Variants in SHC4 observed in about 807,000 individuals in gnomAD.
SHC4 encodes the protein SHC-transforming protein 4.
In SHC4, 41 loss-of-function variants were observed where a neutral mutation model predicts 69.4. The ratio of observed to expected loss-of-function variants is 0.59; its 90% CI spans 0.46 to 0.77. The LOEUF (loss-of-function observed/expected upper bound fraction) is 0.77. Ranked by LOEUF, SHC4 falls within the 30% of genes least tolerant of loss-of-function variation. The pLI is 0.00. For synonymous variants in SHC4, 318 were observed against 299.3 expected, an observed-to-expected ratio of 1.06 and a Z score of -0.64; for missense variants, 777 against 783.8, an observed-to-expected ratio of 0.99 and a Z score of 0.10.
intron 4 of SHC4, among the ~76,000 whole-genome samples, chr15:48,884,002 T>C (rs2141002426): frequency 1.3e-5 from 2 of 152,336 alleles, no homozygotes; most frequent in Middle Eastern, 6.8e-3. Context: ...CTATGTTCTT[T>C]GCAACTTAGT....
intron 6 of SHC4, among the ~76,000 whole-genome samples, chr15:48,861,950 CTT>C (rs1315859626): frequency 6.6e-6 from 1 of 151,926 alleles, no homozygotes; most frequent in Non-Finnish European, 1.5e-5. Flanking sequence ...TTGTTTCTGT[CTT>C]TTCCTTTTAT....
At position 48,876,647 on chromosome 15, in the gene SHC4, G is replaced by A. The variant is rs1464483062; in HGVS notation, c.841-4505C>T. 8.8e-6 allele frequency: 6 copies of A among 678,768 alleles called. No homozygotes were observed. In the East Asian group the frequency reaches 1.4e-4, roughly 16 times the overall value. The allele number at this position is 678,768 out of a possible 1,614,324, so 42.0% of individuals were successfully genotyped here. The stretch of plus-strand genomic sequence containing the variant: ...AGAACTTGGGAATCCAATGTTCGAG[G>A]GCAGGAAGCATCCAACACAGGAGAA... On this transcript the variant is annotated intron_variant, in intron 4 of 11. Transcript: ENST00000332408.
intron 8 of SHC4, among the ~76,000 whole-genome samples, chr15:48,852,014 T>C (rs140482367): frequency 3.7e-4 from 56 of 152,210 alleles, no homozygotes; most frequent in African/African-American, 1.1e-3. Context: ...AAACAGAAGA[T>C]TGTAGATTAA....
rs553983973 is a variant in SHC4 at position 48,867,846 on chromosome 15, G to A, written c.918C>T (p.Tyr306=). 25 of 1,613,516 alleles carry A rather than the reference G, an allele frequency of 1.5e-5. No homozygotes were observed. In the African/African-American group the frequency reaches 1.9e-4, roughly 12 times the overall value. ...GTTGATTAACTGGATCTTTAGCTACGTAGGCAACATAGTCTGTAGTATCCT... is the reference window on the plus strand; with the variant it reads ...GTTGATTAACTGGATCTTTAGCTACATAGGCAACATAGTCTGTAGTATCCT... The part of the protein sequence containing the change: ...GDPDTTDYVA[Y]VAKDPVNQRA... The change falls in exon 6 of 12, where the codon TAC becomes TAT. Residue 306 remains tyrosine, a synonymous_variant. Coordinates refer to ENST00000332408, the MANE Select transcript of SHC4 (RefSeq NM_203349.4).
chr15:48,904,733 G>A (rs930594239), intron 2 of SHC4, among the ~76,000 whole-genome samples: 11 of 151,240 alleles, frequency 7.3e-5, no homozygotes, highest in African/African-American at 2.7e-4. Context: ...ACAAAAAAAT[G>A]TAATTAGCCA....
intron 1 of SHC4, among the ~76,000 whole-genome samples, chr15:48,948,690 G>T (rs980364513): frequency 2.0e-5 from 3 of 152,146 alleles, no homozygotes; most frequent in Admixed American, 6.5e-5. Flanking sequence ...AGAATTACTT[G>T]AGCCCTGGAG....
At chr15:48,902,389 T>C (rs1476611305) in intron 2 of SHC4, among the ~76,000 whole-genome samples, 1 of 152,168 alleles carries the variant, frequency 6.6e-6, no homozygotes, top group African/African-American at 2.4e-5. Flanking sequence ...ATGTCTGGCT[T>C]TCTTCAGATA....
At chr15:48,886,815 C>T (rs1051575737) in intron 3 of SHC4, among the ~76,000 whole-genome samples, 2 of 152,116 alleles carry the variant, frequency 1.3e-5, no homozygotes, top group Admixed American at 6.5e-5. Context: ...AGAGAAACTG[C>T]AGACCCTGGC....
chr15:48,940,895 T>A (rs1282070631), intron 1 of SHC4, among the ~76,000 whole-genome samples: 1 of 152,238 alleles, frequency 6.6e-6, no homozygotes, highest in African/African-American at 2.4e-5. Flanking sequence ...AAAGCAGCAG[T>A]CAACAATACG....
At chr15:48,829,922 A>T (rs1363304753) in intron 11 of SHC4, among the ~76,000 whole-genome samples, 1 of 152,254 alleles carries the variant, frequency 6.6e-6, no homozygotes, top group East Asian at 1.9e-4. Flanking sequence ...CCGTCTCAAA[A>T]AAATAAATAA....
intron 1 of SHC4, among the ~76,000 whole-genome samples, chr15:48,948,755 A>G (rs1357035676): frequency 6.6e-6 from 1 of 152,120 alleles, no homozygotes; most frequent in Non-Finnish European, 1.5e-5. Context: ...AAATTTTAAA[A>G]ATTAGCCAAG....
At chr15:48,962,346 G>A in intron 1 of SHC4, 85 bp downstream of exon 1, 2 of 1,371,742 alleles carry the variant, frequency 1.5e-6, no homozygotes, top group Non-Finnish European at 2.0e-6. Flanking sequence ...AACCCAGGCA[G>A]GTAACATTAG....
intron 1 of SHC4, among the ~76,000 whole-genome samples, chr15:48,936,841 C>T (rs767746491): frequency 3.9e-5 from 6 of 152,206 alleles, no homozygotes; most frequent in Non-Finnish European, 7.3e-5. Context: ...CGTGAGGCAG[C>T]TATGTACTGT....
At chr15:48,953,525 G>A (rs1901398530) in intron 1 of SHC4, among the ~76,000 whole-genome samples, 1 of 152,112 alleles carries the variant, frequency 6.6e-6, no homozygotes, top group Non-Finnish European at 1.5e-5. Flanking sequence ...GCCAGACAAT[G>A]GGCCTCTCTT....
At chr15:48,935,784 A>G (rs890728525) in intron 1 of SHC4, among the ~76,000 whole-genome samples, 1 of 152,308 alleles carries the variant, frequency 6.6e-6, no homozygotes, top group Non-Finnish European at 1.5e-5. Context: ...TGAGATGGAC[A>G]GAGAGATGAG....
chr15:48,877,576 T>TA, intron 4 of SHC4: 1 of 984,988 alleles, frequency 1.0e-6, no homozygotes, highest in Non-Finnish European at 1.2e-6. Flanking sequence ...ACCGCATTGC[T>TA]AATAGTGGAA....
intron 2 of SHC4, among the ~76,000 whole-genome samples, chr15:48,916,743 C>T (rs1233030393): frequency 1.3e-5 from 2 of 152,102 alleles, no homozygotes; most frequent in South Asian, 2.1e-4. Context: ...CCCAGGGTGG[C>T]AATCACACAA....
At chr15:48,827,324 A>T (rs1898708057) in intron 11 of SHC4, among the ~76,000 whole-genome samples, 1 of 152,182 alleles carries the variant, frequency 6.6e-6, no homozygotes, top group East Asian at 1.9e-4. Flanking sequence ...CCTGATTTTG[A>T]TCTCTGTACT....
At chr15:48,926,952 T>C (rs1478654307) in intron 1 of SHC4, among the ~76,000 whole-genome samples, 1 of 152,148 alleles carries the variant, frequency 6.6e-6, no homozygotes, top group Non-Finnish European at 1.5e-5. Flanking sequence ...TTGGATATTT[T>C]ACTCTGTCCC....
Sources: gnomAD v4.1 joint callset for allele counts (sites outside exome capture counted in the v4.1 genomes callset) on GRCh38, gnomAD v4.1.1 for gene constraint, MANE v1.5 for transcripts, NCBI Gene and HGNC (gene_info 2026-07-23, HGNC 2026-07-21) for gene names.